RGL1: variants seen among roughly 807,000 people sequenced by gnomAD.
The protein encoded by RGL1 is ral guanine nucleotide dissociation stimulator-like 1.
RGL1 carries 24 observed loss-of-function variants against 95.2 expected under a neutral mutation model. That is an observed-to-expected ratio of 0.25 (90% CI 0.18 to 0.35). The LOEUF is 0.35. Among genes scored for constraint, RGL1 ranks in the 10% least tolerant of loss-of-function variants. The probability of loss-of-function intolerance (pLI) is 1.00; values close to 1 mark genes in which losing one functional copy is unlikely to be tolerated. For synonymous variants in RGL1, 329 were observed against 344.9 expected (o/e 0.95, Z 0.51); for missense variants, 715 against 936.3 (o/e 0.76, Z 3.08).
intron 15 of RGL1, among the ~76,000 whole-genome samples, chr1:183,915,973 A>G (rs1057096619): frequency 6.6e-6 from 1 of 152,206 alleles, no homozygotes; most frequent in African/African-American, 2.4e-5. Flanking sequence ...CTAATATTCA[A>G]TGCAGAGCCG....
intron 1 of RGL1, among the ~76,000 whole-genome samples, chr1:183,691,600 C>G (rs1444729761): frequency 6.6e-6 from 1 of 152,106 alleles, no homozygotes; most frequent in Non-Finnish European, 1.5e-5. Context: ...AAGGGATTTT[C>G]CCATAATTCT....
At chr1:183,748,795 G>A (rs1263877483) in intron 2 of RGL1, among the ~76,000 whole-genome samples, 4 of 152,104 alleles carry the variant, frequency 2.6e-5, no homozygotes, top group Admixed American at 6.5e-5. Context: ...CTTTAAATGT[G>A]TCCCAGAGAT....
chr1:183,788,620 G>C (rs945152126), intron 2 of RGL1, among the ~76,000 whole-genome samples: 1 of 152,154 alleles, frequency 6.6e-6, no homozygotes, highest in African/African-American at 2.4e-5. Context: ...TACATGTTCT[G>C]TTGAGGTCAC....
intron 1 of RGL1, among the ~76,000 whole-genome samples, chr1:183,685,466 T>C (rs777542413): frequency 7.9e-5 from 12 of 152,238 alleles, no homozygotes; most frequent in Non-Finnish European, 1.3e-4. Context: ...TTTACAAATG[T>C]GGCAAAGACT....
In RGL1 at chr1:183,880,798, A is replaced by T. The variant is rs1666783348; in HGVS notation, c.608A>T (p.Asp203Val). 6.2e-7 allele frequency: 1 copy of T among 1,613,450 alleles called. No individual in the cohort carries two copies. The highest frequency in any genetic ancestry group is 2.2e-5 in the East Asian group (1 of 44,850). The change falls in exon 5 of 18, where the codon GAC becomes GTC. Residue 203 changes from aspartate (D) to valine (V), a missense_variant and splice_region_variant. Transcript: ENST00000360851. ...EQFQKQEVET[D>V]NGLPNTISFS... ...TTTCAGAAGCAAGAAGTGGAAACTGACAGTGAGTACTTGTTTGTTCCCAGG... is the reference window on the plus strand; with the variant it reads ...TTTCAGAAGCAAGAAGTGGAAACTGTCAGTGAGTACTTGTTTGTTCCCAGG...
chr1:183,668,332 G>C (rs1156257259), intron 1 of RGL1, among the ~76,000 whole-genome samples: 2 of 152,042 alleles, frequency 1.3e-5, no homozygotes, highest in Non-Finnish European at 2.9e-5. Context: ...ATTCTAGGTT[G>C]ATGAGTTTTT....
At chr1:183,902,253 G>A (rs1668070437) in intron 11 of RGL1, among the ~76,000 whole-genome samples, 1 of 152,206 alleles carries the variant, frequency 6.6e-6, no homozygotes. Flanking sequence ...AAAGTGTAAT[G>A]GAATATTTAC....
upstream of RGL1, among the ~76,000 whole-genome samples, chr1:183,804,063 G>A (rs1444174867): frequency 1.3e-5 from 2 of 152,130 alleles, no homozygotes; most frequent in African/African-American, 4.8e-5. Flanking sequence ...TTTGCTTAAT[G>A]TGCCCTTGCT....
chr1:183,908,498 C>CTGCGGAACTCTAGATTTATGAGCT, intron 14 of RGL1, among the ~76,000 whole-genome samples: 1 of 152,336 alleles, frequency 6.6e-6, no homozygotes, highest in African/African-American at 2.4e-5. Flanking sequence ...TGTCCTGGCC[C>CTGCGGAACTCTAGATTTATGAGCT]TGCGGAACTC....
intron 2 of RGL1, among the ~76,000 whole-genome samples, chr1:183,792,532 C>G (rs558563723): frequency 6.6e-6 from 1 of 152,066 alleles, no homozygotes; most frequent in Admixed American, 6.5e-5. Flanking sequence ...AAGTCAGATT[C>G]TCCCTCTTTG....
At chr1:183,816,691 T>C (rs761091622) in intron 2 of RGL1, among the ~76,000 whole-genome samples, 2 of 152,244 alleles carry the variant, frequency 1.3e-5, no homozygotes, top group Non-Finnish European at 2.9e-5. Context: ...TAGAGGCCTT[T>C]TTTTCTCTCT....
rs935444574 is a variant in RGL1 at position 183,718,432 on chromosome 1, A to C, written c.-32-23694A>C. On this transcript the variant is annotated intron_variant, in intron 1 of 18. Transcript: ENST00000304685. ...TCATTTGCAAATATTTAAACTTACA[A>C]TGAAAACTTTTTCATATCAACCTAA... Among the ~76,000 whole-genome samples, 5 of 152,216 alleles carry C rather than the reference A, an allele frequency of 3.3e-5. No individual in the cohort carries two copies. The South Asian group carries it at 6.2e-4, about 19-fold the overall frequency.
intron 1 of RGL1, among the ~76,000 whole-genome samples, chr1:183,673,315 T>A (rs1019171159): frequency 1.3e-5 from 2 of 152,212 alleles, no homozygotes; most frequent in Non-Finnish European, 2.9e-5. Flanking sequence ...ATAGGTAGCA[T>A]AAATTTGAAA....
chr1:183,656,095 T>C (rs1225265301), intron 1 of RGL1, among the ~76,000 whole-genome samples: 2 of 135,340 alleles, frequency 1.5e-5, no homozygotes, highest in African/African-American at 2.9e-5. Context: ...GCAGACCAAG[T>C]TTTTTTTCTT....
chr1:183,892,113 C>T lies in RGL1; in HGVS notation c.1092C>T (p.Ile364=). The T allele has an allele frequency of 6.2e-7, 1 of 1,612,768 alleles. No individual in the cohort carries two copies. The highest frequency in any genetic ancestry group is 1.1e-5 in the South Asian group (1 of 91,008). The change falls in exon 9 of 18, where the codon ATC becomes ATT. Residue 364 remains isoleucine (I), a synonymous_variant. Transcript: ENST00000360851. ...RMLMFEELSD[I]FSDHNNHLTS... The stretch of plus-strand genomic sequence containing the variant: ...TGATGTTTGAAGAACTTTCAGATAT[C>T]TTCTCAGACCATAATAACCATTTGA...
intron 1 of RGL1, among the ~76,000 whole-genome samples, chr1:183,713,561 T>C (rs1486199257): frequency 6.6e-6 from 1 of 152,132 alleles, no homozygotes; most frequent in Non-Finnish European, 1.5e-5. Flanking sequence ...AATTAGGTCA[T>C]GAGGGCAGAA....
intron 3 of RGL1, among the ~76,000 whole-genome samples, chr1:183,861,268 G>A: frequency 6.6e-6 from 1 of 152,180 alleles, no homozygotes; most frequent in East Asian, 1.9e-4. Context: ...CCCGCCTCCT[G>A]ATCTGGTGTT....
At chr1:183,798,878 CTTTTTT>C (rs35765152) in intron 2 of RGL1, among the ~76,000 whole-genome samples, 1 of 88,182 alleles carries the variant, frequency 1.1e-5, no homozygotes, top group Non-Finnish European at 2.2e-5. Context: ...GCAGGATTTC[CTTTTTT>C]TTTTTTTTTT....
chr1:183,669,213 A>G (rs1279761463), intron 1 of RGL1, among the ~76,000 whole-genome samples: 1 of 152,146 alleles, frequency 6.6e-6, no homozygotes, highest in Non-Finnish European at 1.5e-5. Flanking sequence ...AAGTGCTGGG[A>G]TTACATGGAC....
Sources: gnomAD v4.1 joint callset for allele counts (sites outside exome capture counted in the v4.1 genomes callset) on GRCh38, gnomAD v4.1.1 for gene constraint, MANE v1.5 for transcripts, NCBI Gene and HGNC (gene_info 2026-07-23, HGNC 2026-07-21) for gene names.